The following RHOG variants were observed in gnomAD, a reference collection of about 807,000 sequenced individuals.
The protein encoded by RHOG is rho-related GTP-binding protein RhoG.
RHOG carries 1 observed loss-of-function variant against 12.3 expected under a neutral mutation model. The observed-to-expected ratio is 0.08, with a 90% CI of 0.03 to 0.39. The LOEUF (loss-of-function observed/expected upper bound fraction) is 0.39. Ranked by LOEUF, RHOG falls within the 10% of genes least tolerant of loss-of-function variation. RHOG has a pLI of 0.99. For synonymous variants in RHOG, 129 were observed against 116.0 expected (o/e 1.11, Z -0.72); for missense variants, 114 against 266.2 (o/e 0.43, Z 3.98).
intron 1 of RHOG, among the ~76,000 whole-genome samples, chr11:3,836,682 T>A (rs1590480475): frequency 6.6e-6 from 1 of 151,544 alleles, no homozygotes; most frequent in Non-Finnish European, 1.5e-5. Context: ...GCAGATCACT[T>A]GAGGTCAGGA....
rs200198212 is a variant in RHOG, at chr11:3,827,994, G to A, written c.145C>T (p.Arg49Cys). The A allele has an allele frequency of 1.4e-4, 225 of 1,614,266 alleles. No homozygotes were observed. The highest frequency in any genetic ancestry group is 3.0e-4 in the Admixed American group (18 of 60,038). The change falls in exon 2 of 2, where the codon CGC (arginine) becomes TGC (cysteine). Residue 49 changes from arginine to cysteine, a missense_variant. By Grantham distance (180) the Arg-to-Cys change is radical. This residue lies in a region of RHOG where 53 missense variants were observed against 164.8 expected (regional missense o/e 0.32). Coordinates refer to ENST00000351018, the MANE Select transcript of RHOG (RefSeq NM_001665.4). This position sits in a 1 kb window ranked among gnomAD's most constrained non-coding sequence, Gnocchi z 7.3. ...NYSAQSAVDGRTVNLNLWDTA... is the reference protein window; with the variant it reads ...NYSAQSAVDGCTVNLNLWDTA... Reference sequence around the variant, plus strand: ...TCCCACAGGTTCAGGTTCACTGTGCGCCCGTCAACTGCGCTCTGCGCGCTG... The same window carrying A: ...TCCCACAGGTTCAGGTTCACTGTGCACCCGTCAACTGCGCTCTGCGCGCTG...
chr11:3,829,445 T>C (rs940499007), intron 1 of RHOG, among the ~76,000 whole-genome samples: 1 of 151,784 alleles, frequency 6.6e-6, no homozygotes, highest in South Asian at 2.1e-4. Context: ...GAGATGGAGT[T>C]TCGCCGTGTT....
In RHOG at chr11:3,827,282, G is replaced by A; in HGVS notation, c.*281C>T. ...ATGAACTGGTCAGTAGCGGAAAATGGGAGGGGGCACTGGGTTGGCCTCTTG... is the reference window on the plus strand; with the variant it reads ...ATGAACTGGTCAGTAGCGGAAAATGAGAGGGGGCACTGGGTTGGCCTCTTG... On this transcript the variant is annotated 3_prime_UTR_variant, in exon 2 of 2. Transcript: ENST00000351018. This position sits in a 1 kb window ranked among gnomAD's most constrained non-coding sequence, Gnocchi z 7.3. 2 of 483,526 alleles carry A rather than the reference G, an allele frequency of 4.1e-6. No individual in the cohort carries two copies. The highest frequency in any genetic ancestry group is 3.4e-5 in the East Asian group (1 of 29,554). 30.0% of individuals were successfully genotyped at this position (483,526 alleles called of 1,614,324 possible).
chr11:3,828,622 AT>A (rs755612599), intron 1 of RHOG, among the ~76,000 whole-genome samples: 542 of 125,726 alleles, frequency 4.3e-3, no homozygotes, highest in African/African-American at 6.0e-3. Context: ...AGTATTAGCT[AT>A]TTTTTTTTTT....
At chr11:3,830,813 G>T (rs1205715912) in intron 1 of RHOG, among the ~76,000 whole-genome samples, 1 of 152,158 alleles carries the variant, frequency 6.6e-6, no homozygotes, top group African/African-American at 2.4e-5. Context: ...TACCTCTGCA[G>T]GTCACAGGGC....
In RHOG at chr11:3,827,459, AG is replaced by A. The variant is rs2090086536; in HGVS notation, c.*103del. The A allele has an allele frequency of 1.4e-5, 13 of 903,546 alleles. No individual in the cohort carries two copies. In the South Asian group the frequency reaches 2.0e-4, roughly 14 times the overall value. 56.0% of individuals were successfully genotyped at this position (903,546 alleles called of 1,614,324 possible). On this transcript the variant is annotated 3_prime_UTR_variant, in exon 2 of 2. Coordinates refer to ENST00000351018, the MANE Select transcript of RHOG (RefSeq NM_001665.4). This position sits in a 1 kb window ranked among gnomAD's most constrained non-coding sequence, Gnocchi z 7.3. ...AAGGCATTCAGGGAACCCCCTGGAA[AG>A]GGGTGCCAGAATTAGTCCTTAAGGC...
chr11:3,839,417 C>T (rs1361311022), intron 1 of RHOG, among the ~76,000 whole-genome samples: 2 of 152,034 alleles, frequency 1.3e-5, no homozygotes, highest in African/African-American at 4.8e-5. Context: ...TCTGGGCCCT[C>T]TCAAGGCTGA....
chr11:3,830,217 T>C (rs1197635689), intron 1 of RHOG, among the ~76,000 whole-genome samples: 1 of 152,220 alleles, frequency 6.6e-6, no homozygotes, highest in Non-Finnish European at 1.5e-5. Flanking sequence ...AGAACATAGA[T>C]GCTAGAGTAA....
intron 1 of RHOG, among the ~76,000 whole-genome samples, chr11:3,837,473 G>A (rs1285252098): frequency 6.6e-6 from 1 of 152,196 alleles, no homozygotes; most frequent in Non-Finnish European, 1.5e-5. Flanking sequence ...AGGCTGGTAA[G>A]ACACAAGGGC....
chr11:3,839,901 C>G (rs934534689), intron 1 of RHOG, among the ~76,000 whole-genome samples: 3 of 151,878 alleles, frequency 2.0e-5, no homozygotes, highest in Non-Finnish European at 2.9e-5. Context: ...AGGACCAAGA[C>G]GAACATGGGG....
intron 1 of RHOG, among the ~76,000 whole-genome samples, chr11:3,835,791 T>C (rs1352244302): frequency 1.3e-5 from 2 of 152,160 alleles, no homozygotes; most frequent in African/African-American, 4.8e-5. Context: ...GTCAAAGACA[T>C]GGCAAGGGAC....
chr11:3,834,426 C>G (rs2090145632), intron 1 of RHOG, among the ~76,000 whole-genome samples: 1 of 152,202 alleles, frequency 6.6e-6, no homozygotes, highest in Non-Finnish European at 1.5e-5. Context: ...GCCCTCATCA[C>G]TGAGATATGG....
chr11:3,828,232 C>G (rs1300699968), intron 1 of RHOG, 26 bp from the exon 2 acceptor site: 2 of 1,202,738 alleles, frequency 1.7e-6, no homozygotes, highest in Non-Finnish European at 1.2e-6. Context: ...AGGGGACATT[C>G]TTGGTTAGGG....
chr11:3,829,284 A>C (rs2090112181), intron 1 of RHOG, among the ~76,000 whole-genome samples: 3 of 132,242 alleles, frequency 2.3e-5, no homozygotes. Flanking sequence ...ATGGAGTCTC[A>C]CTCTGTCGTC....
At chr11:3,832,789 C>T (rs2135137122) in intron 1 of RHOG, among the ~76,000 whole-genome samples, 1 of 152,276 alleles carries the variant, frequency 6.6e-6, no homozygotes, top group South Asian at 2.1e-4. Flanking sequence ...CTAAACTGTG[C>T]CAAACAGGAA....
intron 1 of RHOG, among the ~76,000 whole-genome samples, chr11:3,829,663 G>A (rs2090114261): frequency 6.6e-6 from 1 of 152,150 alleles, no homozygotes; most frequent in Non-Finnish European, 1.5e-5. Flanking sequence ...TTGGACTGGG[G>A]TCTGGGTATG....
chr11:3,829,282 T>C (rs1293879940), intron 1 of RHOG, among the ~76,000 whole-genome samples: 1 of 145,792 alleles, frequency 6.9e-6, no homozygotes, highest in Admixed American at 7.0e-5. Context: ...AGATGGAGTC[T>C]CACTCTGTCG....
chr11:3,829,620 G>A (rs1057179449), intron 1 of RHOG, among the ~76,000 whole-genome samples: 1 of 152,098 alleles, frequency 6.6e-6, no homozygotes, highest in Non-Finnish European at 1.5e-5. Flanking sequence ...ATTCAATGCA[G>A]GGGAATACTG....
chr11:3,830,199 C>T (rs991767621), intron 1 of RHOG, among the ~76,000 whole-genome samples: 4 of 152,098 alleles, frequency 2.6e-5, no homozygotes, highest in Admixed American at 6.5e-5. Flanking sequence ...TAGAAAATAC[C>T]ATCATTAAGA....
Sources: gnomAD v4.1 joint callset for allele counts (sites outside exome capture counted in the v4.1 genomes callset) on GRCh38, gnomAD v4.1.1 for gene constraint, gnomAD v4.1.1 regional missense constraint, Gnocchi (gnomAD v3.1) non-coding constraint, MANE v1.5 for transcripts, NCBI Gene and HGNC (gene_info 2026-07-23, HGNC 2026-07-21) for gene names.